Variants in SHTN1 observed in about 807,000 individuals in gnomAD.
SHTN1 encodes the protein shootin 1, also known as shootin-1.
SHTN1 carries 42 observed loss-of-function variants against 83.1 expected under a neutral mutation model. The ratio of observed to expected loss-of-function variants is 0.51; its 90% CI spans 0.39 to 0.65. SHTN1 has a LOEUF of 0.65. Ranked by LOEUF, SHTN1 falls within the 30% of genes least tolerant of loss-of-function variation. SHTN1 has a pLI of 0.00. For missense variants in SHTN1, 622 were observed against 737.8 expected (o/e 0.84, Z 1.82); for synonymous variants, 224 against 247.7 (o/e 0.90, Z 0.90).
intron 6 of SHTN1, 33 bp from the exon 7 acceptor site, chr10:116,949,030 C>A (rs1314896462): frequency 1.3e-6 from 2 of 1,487,872 alleles, no homozygotes; most frequent in South Asian, 1.4e-5. Context: ...GGAGAAAACA[C>A]CAAAAATTGT....
At chr10:116,955,375 T>A (rs1357339661) in intron 4 of SHTN1, among the ~76,000 whole-genome samples, 1 of 152,184 alleles carries the variant, frequency 6.6e-6, no homozygotes, top group Non-Finnish European at 1.5e-5. Context: ...AAGTAATCAG[T>A]AGATTATTTT....
At chr10:116,895,147 G>A (rs1020267850) in intron 16 of SHTN1, among the ~76,000 whole-genome samples, 2 of 152,154 alleles carry the variant, frequency 1.3e-5, no homozygotes, top group Non-Finnish European at 2.9e-5. Context: ...CACAGAGAGT[G>A]ATTCACCTTT....
chr10:116,893,903 TAAAC>T (rs914153915), intron 16 of SHTN1, among the ~76,000 whole-genome samples: 8 of 152,154 alleles, frequency 5.3e-5, no homozygotes, highest in African/African-American at 1.9e-4. Flanking sequence ...TTAGAGAAAG[TAAAC>T]AAAATAAAAT....
chr10:116,927,930 A>G (rs1272477771), intron 10 of SHTN1, 39 bp from the exon 11 acceptor site: 1 of 1,609,634 alleles, frequency 6.2e-7, no homozygotes, highest in African/African-American at 1.3e-5. Flanking sequence ...AGCTGAAATA[A>G]GCAACTAAAC....
At chr10:117,028,569 C>A (rs1852361750) in intron 2 of SHTN1, among the ~76,000 whole-genome samples, 1 of 152,104 alleles carries the variant, frequency 6.6e-6, no homozygotes, top group Non-Finnish European at 1.5e-5. Flanking sequence ...GCTCCACTGC[C>A]CTGGCACAGC....
In SHTN1 at chr10:116,921,353, A is replaced by G. The variant is rs1848557691; in HGVS notation, c.1195+81T>C. ...ACTACTCTCCCAACAACATGTTTAT[A>G]GTCAAAGAACTTAACAAATATGTGA... On this transcript the variant is annotated intron_variant, in intron 12 of 16. Coordinates refer to ENST00000355371, the MANE Select transcript of SHTN1 (RefSeq NM_001127211.3). 3.1e-6 allele frequency: 3 copies of G among 953,526 alleles called. No homozygotes were observed. The Admixed American group carries it at 6.1e-5, about 19-fold the overall frequency. The allele number at this position is 953,526 out of a possible 1,614,324, so 59.1% of individuals were successfully genotyped here. A position where few individuals can be genotyped will look rare whatever the true frequency, so the allele number is the denominator to read the frequency against.
chr10:117,106,519 G>C (rs1396038382), intron 1 of SHTN1, among the ~76,000 whole-genome samples: 1 of 152,142 alleles, frequency 6.6e-6, no homozygotes, highest in African/African-American at 2.4e-5. Flanking sequence ...AGCCACTGAG[G>C]GACAGCAGAA....
chr10:117,036,598 T>C (rs1204385448), intron 2 of SHTN1, among the ~76,000 whole-genome samples: 1 of 152,072 alleles, frequency 6.6e-6, no homozygotes, highest in African/African-American at 2.4e-5. Flanking sequence ...ATTGAACTCA[T>C]GGAGATAATA....
intron 1 of SHTN1, among the ~76,000 whole-genome samples, chr10:117,102,916 A>T (rs1408836015): frequency 6.6e-6 from 1 of 152,156 alleles, no homozygotes; most frequent in Non-Finnish European, 1.5e-5. Flanking sequence ...CTATTATCTG[A>T]TTAAAAGGCA....
Position 116,921,503 on chromosome 10 carries a change from T to G in SHTN1, c.1126A>C (p.Met376Leu). 25 of 1,613,372 alleles carry G rather than the reference T, an allele frequency of 1.5e-5. No individual in the cohort carries two copies. The highest frequency in any genetic ancestry group is 2.1e-5 in the Non-Finnish European group (25 of 1,179,632). The change falls in exon 12 of 17, where the codon ATG becomes CTG. Residue 376 changes from methionine to leucine, a missense_variant. By Grantham distance (15) the Met-to-Leu change is conservative. Coordinates refer to ENST00000355371, the MANE Select transcript of SHTN1 (RefSeq NM_001127211.3). ...PPNPIRSLMS[M>L]IRKRSHPSGS... ...CTGGGGTGGGATCGTTTCCGGATCA[T>G]GGACATGAGGGATCTTTGGGAGAAA...
chr10:117,119,259 C>A (rs1305496012), intron 1 of SHTN1, among the ~76,000 whole-genome samples: 1 of 151,912 alleles, frequency 6.6e-6, no homozygotes, highest in Non-Finnish European at 1.5e-5. Context: ...AAGAGACAAC[C>A]CACAGAATGG....
At chr10:117,101,561 G>C (rs539197325) in intron 1 of SHTN1, among the ~76,000 whole-genome samples, 2 of 152,316 alleles carry the variant, frequency 1.3e-5, no homozygotes, top group East Asian at 3.9e-4. Flanking sequence ...GAATTCTCAA[G>C]TGAAAGAAGG....
At chr10:116,901,726 T>A in intron 16 of SHTN1, 39 bp downstream of exon 16, 1 of 1,481,338 alleles carries the variant, frequency 6.8e-7, no homozygotes, top group African/African-American at 1.5e-5. Flanking sequence ...CATTACAGAT[T>A]CTTCTATACA....
intron 1 of SHTN1, among the ~76,000 whole-genome samples, chr10:117,004,726 C>G (rs1851948292): frequency 6.6e-6 from 1 of 152,216 alleles, no homozygotes; most frequent in Non-Finnish European, 1.5e-5. Flanking sequence ...CTCGTCCGCA[C>G]TGAATCCTCG....
intron 14 of SHTN1, among the ~76,000 whole-genome samples, chr10:116,910,892 A>C (rs1416065720): frequency 6.6e-6 from 1 of 152,250 alleles, no homozygotes; most frequent in Non-Finnish European, 1.5e-5. Context: ...AAACTAAAGC[A>C]AACTAATTAA....
chr10:117,043,118 T>C (rs1254722580), intron 2 of SHTN1, among the ~76,000 whole-genome samples: 1 of 115,476 alleles, frequency 8.7e-6, no homozygotes, highest in Admixed American at 9.8e-5. Context: ...AAAGTGGATC[T>C]TTATATTTAT....
intron 2 of SHTN1, among the ~76,000 whole-genome samples, chr10:117,037,259 G>A (rs1475156278): frequency 1.3e-5 from 2 of 152,054 alleles, no homozygotes; most frequent in East Asian, 3.9e-4. Context: ...GCAACATAGT[G>A]AGACTTCCCC....
intron 4 of SHTN1, among the ~76,000 whole-genome samples, chr10:116,959,165 C>A (rs773786797): frequency 6.6e-6 from 1 of 152,026 alleles, no homozygotes; most frequent in Non-Finnish European, 1.5e-5. Context: ...TGTGAGAATA[C>A]CCATGTTATC....
chr10:117,102,901 C>A (rs771538344), intron 1 of SHTN1, among the ~76,000 whole-genome samples: 1 of 152,114 alleles, frequency 6.6e-6, no homozygotes, highest in Non-Finnish European at 1.5e-5. Flanking sequence ...CTCTTTCAGT[C>A]ATTTCTATTA....
Sources: allele counts gnomAD v4.1 joint callset (sites outside exome capture counted in the v4.1 genomes callset), GRCh38; gene constraint gnomAD v4.1.1; transcripts MANE v1.5; gene names NCBI Gene and HGNC (gene_info 2026-07-23, HGNC 2026-07-21).